AK7: variants seen among roughly 807,000 people sequenced by gnomAD.
AK7 encodes adenylate kinase 7.
In AK7, 78 loss-of-function variants were observed where a neutral mutation model predicts 96.6. The ratio of observed to expected loss-of-function variants is 0.81; its 90% CI spans 0.67 to 0.97. The LOEUF (loss-of-function observed/expected upper bound fraction) is 0.97, where lower values mean the gene tolerates loss of function less well. AK7 is among the 50% of genes least tolerant of loss of function. The pLI is 0.00. For missense variants in AK7, 855 were observed against 887.9 expected, an observed-to-expected ratio of 0.96 and a Z score of 0.47; for synonymous variants, 302 against 317.2, an observed-to-expected ratio of 0.95 and a Z score of 0.51.
At chr14:96,417,452 A>G (rs1339680721) in intron 4 of AK7, among the ~76,000 whole-genome samples, 2 of 152,340 alleles carry the variant, frequency 1.3e-5, no homozygotes, top group Middle Eastern at 3.4e-3. Flanking sequence ...TTCACTAGGT[A>G]TCTACTGTGT....
intron 2 of AK7, among the ~76,000 whole-genome samples, chr14:96,402,185 GCACACACACACACA>G (rs34222287): frequency 4.8e-5 from 7 of 146,156 alleles, no homozygotes; most frequent in Admixed American, 2.8e-4. Flanking sequence ...ATACACAGAT[GCACACACACACACA>G]CACACACACA....
intron 2 of AK7, among the ~76,000 whole-genome samples, chr14:96,404,242 T>A (rs1454443570): frequency 1.3e-5 from 2 of 151,630 alleles, no homozygotes; most frequent in Non-Finnish European, 2.9e-5. Context: ...TTTTTAATCA[T>A]TAAAAGTTTC....
chr14:96,478,834 G>A (rs1184064206), intron 15 of AK7, among the ~76,000 whole-genome samples, 172 bp downstream of exon 15: 1 of 152,028 alleles, frequency 6.6e-6, no homozygotes, highest in East Asian at 1.9e-4. Flanking sequence ...ATTCTATGTG[G>A]GGATTTGGTG....
intron 4 of AK7, among the ~76,000 whole-genome samples, chr14:96,413,003 C>T (rs146941805): frequency 3.3e-4 from 50 of 152,352 alleles, no homozygotes; most frequent in African/African-American, 1.2e-3. Flanking sequence ...AATGTCCCAA[C>T]AGCAGCCCTT....
intron 17 of AK7, chr14:96,487,846 C>A: frequency 4.6e-6 from 1 of 216,238 alleles, no homozygotes; most frequent in Non-Finnish European, 9.3e-6. Context: ...CCTCATTGGT[C>A]AAACCCATGT....
chr14:96,398,278 C>T lies in AK7; in HGVS notation c.294+15C>T. ...AGACGTACTCTGTAAGTCCCGGAGG[C>T]TCTGGCCAGGAGTAGACAGAGGGAA... On this transcript the variant is annotated intron_variant, in intron 2 of 17. Transcript: ENST00000267584. 1.2e-6 allele frequency: 2 copies of T among 1,612,082 alleles called. No individual in the cohort carries two copies. Among genetic ancestry groups the T allele is most frequent in the South Asian group, 2.2e-5 (2 of 90,998 alleles).
chr14:96,456,200 G>A, intron 10 of AK7, 147 bp from the exon 11 acceptor site: 1 of 819,000 alleles, frequency 1.2e-6, no homozygotes, highest in Non-Finnish European at 1.7e-6. Context: ...TCATGCCACT[G>A]CACTACAGCC....
intron 1 of AK7, among the ~76,000 whole-genome samples, chr14:96,395,937 G>C (rs956631326): frequency 6.8e-6 from 1 of 147,104 alleles, no homozygotes; most frequent in Admixed American, 7.0e-5. Flanking sequence ...TCAGCCTCCC[G>C]AGTAGCTGGG....
In AK7 at chr14:96,478,547, C is replaced by A. The variant is rs1895315564; in HGVS notation, c.1638C>A (p.Thr546=). The A allele has an allele frequency of 6.2e-7, 1 of 1,614,158 alleles. No homozygotes were observed. The highest frequency in any genetic ancestry group is 1.1e-5 in the South Asian group (1 of 91,076). Residue 546 remains threonine (T), a synonymous_variant, in exon 15 of 18, where the codon ACC becomes ACA. Transcript: ENST00000267584. ...TTCCTGAGAGCATCGTGGCGGGGAC[C>A]CACTACAGCCAAGACCGATTCCTCC... ...INLPESIVAG[T]HYSQDRFLRA...
intron 3 of AK7, among the ~76,000 whole-genome samples, chr14:96,406,129 C>T (rs1476714796): frequency 4.6e-5 from 7 of 151,682 alleles, no homozygotes; most frequent in Admixed American, 4.6e-4. Context: ...TCTTGGCTCA[C>T]TGCAGTCTCC....
At chr14:96,474,502 TG>T (rs1895072076) in intron 14 of AK7, among the ~76,000 whole-genome samples, 1 of 150,696 alleles carries the variant, frequency 6.6e-6, no homozygotes, top group South Asian at 2.1e-4. Flanking sequence ...GGCATGCACC[TG>T]TAGTCCCAGC....
chr14:96,476,670 C>T (rs1049468437), intron 14 of AK7, among the ~76,000 whole-genome samples: 1 of 152,108 alleles, frequency 6.6e-6, no homozygotes, highest in Non-Finnish European at 1.5e-5. Context: ...TCTTGAGATA[C>T]TGCAGAATCT....
At chr14:96,466,009 C>CAAA (rs528356355) in intron 12 of AK7, among the ~76,000 whole-genome samples, 16 of 107,748 alleles carry the variant, frequency 1.5e-4, no homozygotes, top group African/African-American at 5.1e-4. Context: ...GACTCCATCT[C>CAAA]AAAAAAAAAA....
At chr14:96,396,736 A>T (rs1458904781) in intron 1 of AK7, among the ~76,000 whole-genome samples, 1 of 152,244 alleles carries the variant, frequency 6.6e-6, no homozygotes, top group African/African-American at 2.4e-5. Flanking sequence ...ATATAAACGA[A>T]TGAAACTCTT....
At chr14:96,404,150 T>TAAAAAA (rs34091316) in intron 2 of AK7, among the ~76,000 whole-genome samples, 9 of 99,720 alleles carry the variant, frequency 9.0e-5, no homozygotes, top group Middle Eastern at 5.4e-3. Context: ...TGTCTCAAAT[T>TAAAAAA]AAAAAAAAAA....
chr14:96,410,567 A>G (rs1890973859), intron 4 of AK7, among the ~76,000 whole-genome samples: 1 of 152,222 alleles, frequency 6.6e-6, no homozygotes, highest in South Asian at 2.1e-4. Context: ...AATGGAGAAG[A>G]GATGGTTCCC....
rs528148271 is a variant in AK7 at position 96,449,726 on chromosome 14, G to A, written c.871-76G>A. The A allele has an allele frequency of 5.8e-5, 65 of 1,114,056 alleles. No homozygotes were observed. The Admixed American group carries it at 6.8e-4, about 12-fold the overall frequency. 69.0% of individuals were successfully genotyped at this position (1,114,056 alleles called of 1,614,324 possible). A position where few individuals can be genotyped will look rare whatever the true frequency, so the allele number is the denominator to read the frequency against. ...TGGGATTACAGGCGTGAGCCACTGC[G>A]CCTGGCCCATTTGAGTTTTATATAA... On this transcript the variant is annotated intron_variant, in intron 8 of 17. Transcript: ENST00000267584.
intron 14 of AK7, among the ~76,000 whole-genome samples, chr14:96,476,313 C>T (rs1895175595): frequency 6.6e-6 from 1 of 152,134 alleles, no homozygotes. Context: ...CAAGACCAGT[C>T]TGGCCAACAT....
intron 15 of AK7, 38 bp downstream of exon 15, chr14:96,478,700 A>T (rs201196595): frequency 6.3e-7 from 1 of 1,599,062 alleles, no homozygotes; most frequent in Non-Finnish European, 8.5e-7. Context: ...AATGTCCAGG[A>T]CCCCCAGCAA....
Sources: gnomAD v4.1 joint callset for allele counts (sites outside exome capture counted in the v4.1 genomes callset) on GRCh38, gnomAD v4.1.1 for gene constraint, MANE v1.5 for transcripts, NCBI Gene and HGNC (gene_info 2026-07-23, HGNC 2026-07-21) for gene names.